The following NKAIN2 variants were observed in gnomAD, a reference collection of about 807,000 sequenced individuals.
The protein encoded by NKAIN2 is sodium/potassium transporting ATPase interacting 2, also known as sodium/potassium-transporting ATPase subunit beta-1-interacting protein 2.
A neutral mutation model predicts 32.6 loss-of-function variants in NKAIN2; 14 were observed. The observed-to-expected ratio is 0.43, with a 90% CI of 0.28 to 0.67. NKAIN2 has a LOEUF of 0.67. NKAIN2 is among the 30% of genes least tolerant of loss of function. NKAIN2 has a pLI of 0.17. For missense variants in NKAIN2, 198 were observed against 258.3 expected (o/e 0.77, Z 1.60); for synonymous variants, 80 against 87.2 (o/e 0.92, Z 0.46).
intron 5 of NKAIN2, among the ~76,000 whole-genome samples, chr6:124,796,696 C>A (rs1380986970): frequency 6.6e-6 from 1 of 152,142 alleles, no homozygotes; most frequent in Non-Finnish European, 1.5e-5. Context: ...GAGGTCCCTG[C>A]TCTAGAGGAT....
intron 5 of NKAIN2, among the ~76,000 whole-genome samples, chr6:124,810,586 C>G (rs1346837245): frequency 6.6e-6 from 1 of 151,942 alleles, no homozygotes; most frequent in African/African-American, 2.4e-5. Flanking sequence ...ATACATGTCA[C>G]TAACCTGCAC....
chr6:123,883,894 C>CAAAAAAA lies in NKAIN2; in HGVS notation c.54+79657_54+79663dup, dbSNP rs369070419. On this transcript the variant is annotated intron_variant, in intron 1 of 6. Transcript: ENST00000368417. ...TGGGCGACAGAGCGAGACTCTGTCT[C>CAAAAAAA]AAAAAAAAAAAAAAAAAAAAAAATT... 2.2e-4 allele frequency among the ~76,000 whole-genome samples: 14 copies of CAAAAAAA among 63,858 alleles called. 1 individual carries two copies. The highest frequency in any genetic ancestry group is 3.1e-4 in the African/African-American group (5 of 16,124). 41.9% of individuals were successfully genotyped at this position (63,858 alleles called of 152,430 possible).
At chr6:124,076,028 C>T (rs1783680594) in intron 1 of NKAIN2, among the ~76,000 whole-genome samples, 2 of 152,216 alleles carry the variant, frequency 1.3e-5, no homozygotes, top group African/African-American at 4.8e-5. Flanking sequence ...ATCACACAGG[C>T]AGGCTCTCTG....
chr6:124,422,351 A>G (rs1341652561), intron 3 of NKAIN2, among the ~76,000 whole-genome samples: 2 of 152,048 alleles, frequency 1.3e-5, no homozygotes, highest in African/African-American at 4.8e-5. Flanking sequence ...AACAATAAAA[A>G]ACTTGGAATA....
chr6:124,131,239 G>A (rs1223513036), intron 1 of NKAIN2, among the ~76,000 whole-genome samples: 1 of 152,034 alleles, frequency 6.6e-6, no homozygotes, highest in Non-Finnish European at 1.5e-5. Flanking sequence ...CTGCCTCTGG[G>A]GTTCAAGTGA....
At chr6:124,108,522 C>T (rs75887191) in intron 1 of NKAIN2, among the ~76,000 whole-genome samples, 7 of 151,964 alleles carry the variant, frequency 4.6e-5, no homozygotes, top group Non-Finnish European at 7.4e-5. Flanking sequence ...TTCCTCTGTT[C>T]TGCAGAAGCT....
intron 1 of NKAIN2, among the ~76,000 whole-genome samples, chr6:123,984,832 A>G (rs1023335192): frequency 6.6e-6 from 1 of 152,344 alleles, no homozygotes; most frequent in African/African-American, 2.4e-5. Flanking sequence ...TGTATTGATT[A>G]AGGTAAATAT....
At chr6:124,386,303 A>G (rs948187522) in intron 3 of NKAIN2, among the ~76,000 whole-genome samples, 6 of 152,156 alleles carry the variant, frequency 3.9e-5, no homozygotes, top group Non-Finnish European at 7.4e-5. Flanking sequence ...AGCAGGTGTT[A>G]TCATTCAATA....
At chr6:124,077,680 T>G (rs2114897701) in intron 1 of NKAIN2, among the ~76,000 whole-genome samples, 1 of 152,218 alleles carries the variant, frequency 6.6e-6, no homozygotes, top group Middle Eastern at 3.4e-3. Context: ...TACTGCAGAC[T>G]TGATCTCCTG....
At chr6:124,632,659 C>T (rs1199031949) in intron 3 of NKAIN2, among the ~76,000 whole-genome samples, 1 of 152,138 alleles carries the variant, frequency 6.6e-6, no homozygotes, top group East Asian at 1.9e-4. Context: ...GTTATAAAAG[C>T]TGCAAAGAGC....
intron 1 of NKAIN2, among the ~76,000 whole-genome samples, chr6:124,135,438 C>T (rs1183845539): frequency 6.8e-6 from 1 of 147,392 alleles, no homozygotes. Context: ...AAAAGATATT[C>T]CACGCAAATG....
intron 3 of NKAIN2, among the ~76,000 whole-genome samples, chr6:124,374,411 G>A (rs1413620050): frequency 6.6e-6 from 1 of 152,048 alleles, no homozygotes; most frequent in Non-Finnish European, 1.5e-5. Flanking sequence ...TCCATTAACA[G>A]GGTTGTCAAG....
chr6:124,709,322 A>T (rs1437858778), intron 4 of NKAIN2, among the ~76,000 whole-genome samples: 15 of 149,718 alleles, frequency 1.0e-4, no homozygotes, highest in South Asian at 2.1e-4. Context: ...TGTCTCTGCC[A>T]GGCTTTGGTA....
chr6:123,819,396 C>G (rs919305424), intron 1 of NKAIN2, among the ~76,000 whole-genome samples: 8 of 152,066 alleles, frequency 5.3e-5, no homozygotes, highest in Non-Finnish European at 1.0e-4. Flanking sequence ...TTCTGTCTAG[C>G]CTAATTAAAG....
chr6:124,179,679 C>T (rs537543987), intron 1 of NKAIN2, among the ~76,000 whole-genome samples: 5 of 152,098 alleles, frequency 3.3e-5, no homozygotes, highest in South Asian at 4.2e-4. Context: ...CATGGGTAGG[C>T]GCTGGATATT....
At chr6:124,811,935 G>A (rs1780919015) in intron 5 of NKAIN2, among the ~76,000 whole-genome samples, 1 of 152,138 alleles carries the variant, frequency 6.6e-6, no homozygotes, top group Non-Finnish European at 1.5e-5. Flanking sequence ...CGACAAGGCA[G>A]AGATTAAGAA....
intron 1 of NKAIN2, among the ~76,000 whole-genome samples, chr6:123,978,081 T>A (rs1778721713): frequency 6.6e-6 from 1 of 152,206 alleles, no homozygotes; most frequent in South Asian, 2.1e-4. Flanking sequence ...GAAACACTCC[T>A]TTCCATTACT....
intron 3 of NKAIN2, among the ~76,000 whole-genome samples, chr6:124,487,995 G>A (rs1228926152): frequency 6.6e-6 from 1 of 152,016 alleles, no homozygotes; most frequent in Non-Finnish European, 1.5e-5. Context: ...CGTTCTTGGT[G>A]TTAATGACAA....
chr6:124,762,567 T>TTACAATACAC lies in NKAIN2; in HGVS notation c.475-28771_475-28762dup. Among the ~76,000 whole-genome samples the TTACAATACAC allele has an allele frequency of 2.6e-5, 4 of 152,300 alleles. No homozygotes were observed. In the Middle Eastern group the frequency reaches 0.014, roughly 518 times the overall value. ...AATGTGATAAACTCTAAAGATTAGG[T>TTACAATACAC]TACAATACACGATGCTTTTTGCTTT... is the stretch of plus-strand genomic sequence containing the variant. On this transcript the variant is annotated intron_variant, in intron 4 of 6. Coordinates refer to ENST00000368417, the MANE Select transcript of NKAIN2 (RefSeq NM_001040214.3).
Sources: gnomAD v4.1 joint callset for allele counts (sites outside exome capture counted in the v4.1 genomes callset) on GRCh38, gnomAD v4.1.1 for gene constraint, MANE v1.5 for transcripts, NCBI Gene and HGNC (gene_info 2026-07-23, HGNC 2026-07-21) for gene names.